The following TBC1D16 variants were observed in gnomAD, a reference collection of about 807,000 sequenced individuals.
The protein encoded by TBC1D16 is CTD-2529O21.1.
In TBC1D16, 58 loss-of-function variants were observed where a neutral mutation model predicts 74.7. That is an observed-to-expected ratio of 0.78 (90% confidence interval 0.63 to 0.97). TBC1D16 has a LOEUF of 0.97. Ranked by LOEUF, TBC1D16 falls within the 50% of genes least tolerant of loss-of-function variation. TBC1D16 has a pLI of 0.00. For missense variants in TBC1D16, 1,014 were observed against 1,079.5 expected (o/e 0.94, Z 0.85); for synonymous variants, 493 against 474.7 (o/e 1.04, Z -0.50).
intron 1 of TBC1D16, among the ~76,000 whole-genome samples, chr17:80,017,237 C>T (rs577300070): frequency 6.6e-6 from 1 of 152,122 alleles, no homozygotes; most frequent in Non-Finnish European, 1.5e-5. Context: ...CCACTCAACT[C>T]GGCCCTTGGA....
intron 3 of TBC1D16, among the ~76,000 whole-genome samples, chr17:79,977,806 C>A (rs1167802825): frequency 6.6e-6 from 1 of 152,254 alleles, no homozygotes; most frequent in African/African-American, 2.4e-5. Flanking sequence ...CAGAGGCAGC[C>A]AGACCCAGCT....
rs930222269 is a variant in TBC1D16 at position 79,975,587 on chromosome 17, G to A, written c.780-22769C>T. ...TCAAAGGATCAACGAGTGACAGAGG[G>A]TTGGGGACTGGGGGGGTCGTGCATG... On this transcript the variant is annotated intron_variant, in intron 3 of 11. Coordinates refer to ENST00000310924, the MANE Select transcript of TBC1D16 (RefSeq NM_019020.4). This position sits in a 1 kb window ranked among gnomAD's most constrained non-coding sequence, Gnocchi z 4.5. Among the ~76,000 whole-genome samples, 13 of 152,216 alleles carry A rather than the reference G, an allele frequency of 8.5e-5. No homozygotes were observed. Among genetic ancestry groups the A allele is most frequent in the Non-Finnish European group, 1.6e-4 (11 of 68,040 alleles).
In TBC1D16 at chr17:80,001,078, T is replaced by C. The variant is rs554751033; in HGVS notation, c.779+9082A>G. 4.6e-5 allele frequency among the ~76,000 whole-genome samples: 7 copies of C among 152,348 alleles called. No individual in the cohort carries two copies. The South Asian group carries it at 1.0e-3, about 23-fold the overall frequency. On this transcript the variant is annotated intron_variant, in intron 3 of 11. Transcript: ENST00000310924. This position sits in a 1 kb window ranked among gnomAD's most constrained non-coding sequence, Gnocchi z 5.8. ...TGGGCGCCTGCTTGGCTTCTCCGCC[T>C]GACAGTGAGACTGCTGGGGCGAGGC...
chr17:79,960,778 C>CAAAAAAAAAAAAAAAAA (rs1433555447), intron 3 of TBC1D16, among the ~76,000 whole-genome samples: 1 of 23,150 alleles, frequency 4.3e-5, no homozygotes, highest in Non-Finnish European at 8.4e-5. Context: ...AAACAAAAAC[C>CAAAAAAAAAAAAAAAAA]CAAAAAAAAA....
In TBC1D16 at chr17:79,986,325, T is replaced by C. The variant is rs968579429; in HGVS notation, c.779+23835A>G. On this transcript the variant is annotated intron_variant, in intron 3 of 11. Transcript: ENST00000310924. The surrounding 1 kb of genome is among the most constrained non-coding windows in gnomAD (Gnocchi z 6.0). ...ATATCCCAAGGCCACGTTCGCTTCA[T>C]AAACGCAAGGTGATCTCTGAGCACC... 3.3e-5 allele frequency among the ~76,000 whole-genome samples: 5 copies of C among 152,208 alleles called. No homozygotes were observed. The highest frequency in any genetic ancestry group is 5.9e-5 in the Non-Finnish European group (4 of 68,026).
At chr17:80,004,738 C>T (rs1321888210) in intron 3 of TBC1D16, among the ~76,000 whole-genome samples, 6 of 151,628 alleles carry the variant, frequency 4.0e-5, no homozygotes, top group Non-Finnish European at 8.8e-5. Flanking sequence ...GCAGGGGCAC[C>T]ATCTCGGCTC....
At position 79,994,964 on chromosome 17, in the gene TBC1D16, T is replaced by C. The variant is rs1266416033; in HGVS notation, c.779+15196A>G. On this transcript the variant is annotated intron_variant, in intron 3 of 11. Transcript: ENST00000310924. This position sits in a 1 kb window ranked among gnomAD's most constrained non-coding sequence, Gnocchi z 4.6. ...CAAGCTGGGTAATTTACAAAAATTTTCACCTTTTTGTTTGTTTTCTTTTTG... is the reference window on the plus strand; with the variant it reads ...CAAGCTGGGTAATTTACAAAAATTTCCACCTTTTTGTTTGTTTTCTTTTTG... Among the ~76,000 whole-genome samples the C allele has an allele frequency of 6.6e-6, 1 of 152,260 alleles. No homozygotes were observed. The highest frequency in any genetic ancestry group is 1.5e-5 in the Non-Finnish European group (1 of 68,048).
intron 1 of TBC1D16, among the ~76,000 whole-genome samples, chr17:80,017,680 CAAAA>C (rs57336950): frequency 1.5e-4 from 13 of 84,848 alleles, no homozygotes; most frequent in Non-Finnish European, 2.9e-4. Context: ...GACTCCATCT[CAAAA>C]AAAAAAAAAA....
chr17:80,032,186 T>G lies in TBC1D16; in HGVS notation c.-63+3609A>C, dbSNP rs539151089. 3.0e-4 allele frequency among the ~76,000 whole-genome samples: 45 copies of G among 152,266 alleles called. No individual in the cohort carries two copies. The South Asian group carries it at 8.5e-3, about 29-fold the overall frequency. On this transcript the variant is annotated intron_variant, in intron 1 of 11. Coordinates refer to ENST00000310924, the MANE Select transcript of TBC1D16 (RefSeq NM_019020.4). The stretch of plus-strand genomic sequence containing the variant: ...ATGCGGGCTTGGCACCCGCAGTACG[T>G]TGGCTTCATAGTGACCAATCCAGAA...
chr17:79,950,976 G>T lies in TBC1D16; in HGVS notation c.1090-398C>A, dbSNP rs2033008397. On this transcript the variant is annotated intron_variant, in intron 5 of 11. Transcript: ENST00000310924. This position sits in a 1 kb window ranked among gnomAD's most constrained non-coding sequence, Gnocchi z 4.6. ...GGAGCCAGCCTGTCAGATTGCCTCC[G>T]CGAGCAGTCACGAATCCAGGGCAAA... 5.4e-5 allele frequency: 47 copies of T among 877,484 alleles called. No individual in the cohort carries two copies. In the East Asian group the frequency reaches 1.3e-3, roughly 24 times the overall value. 54.4% of individuals were successfully genotyped at this position (877,484 alleles called of 1,614,324 possible).
intron 3 of TBC1D16, among the ~76,000 whole-genome samples, chr17:79,959,288 T>C (rs767400802): frequency 3.9e-5 from 6 of 152,148 alleles, no homozygotes; most frequent in Non-Finnish European, 7.4e-5. Context: ...GTCCATAGAA[T>C]AAAACCGTCA....
At position 80,032,198 on chromosome 17, in the gene TBC1D16, T is replaced by C. The variant is rs373452587; in HGVS notation, c.-63+3597A>G. Among the ~76,000 whole-genome samples, 465 of 152,296 alleles carry C rather than the reference T, an allele frequency of 3.1e-3. 4 individuals carry two copies. The highest frequency in any genetic ancestry group is 0.011 in the African/African-American group (446 of 41,570). ...CACCCGCAGTACGTTGGCTTCATAG[T>C]GACCAATCCAGAAAGACCACGGAGA... On this transcript the variant is annotated intron_variant, in intron 1 of 11. Coordinates refer to ENST00000310924, the MANE Select transcript of TBC1D16 (RefSeq NM_019020.4).
chr17:79,947,674 G>T lies in TBC1D16; in HGVS notation c.1699C>A (p.Pro567Thr), dbSNP rs1351380078. 1 of 1,614,116 alleles carries T rather than the reference G, an allele frequency of 6.2e-7. No individual in the cohort carries two copies. Among genetic ancestry groups the T allele is most frequent in the Non-Finnish European group, 8.5e-7 (1 of 1,180,020 alleles). The change falls in exon 9 of 12, where the codon CCC becomes ACC. Residue 567 changes from proline to threonine, a missense_variant. Physicochemically the swap from Pro to Thr is conservative, Grantham distance 38. Coordinates refer to ENST00000310924, the MANE Select transcript of TBC1D16 (RefSeq NM_019020.4). ...TGTTTCTCCATGTCCTCGTCCCGGG[G>T]TGAGCTGACGAAGATCGTGTTCTGC... ...LMQNTIFVSS[P>T]RDEDMEKQLL...
chr17:79,998,954 C>A (rs949077629), intron 3 of TBC1D16, among the ~76,000 whole-genome samples: 4 of 152,142 alleles, frequency 2.6e-5, no homozygotes, highest in Admixed American at 6.5e-5. Context: ...CTTTCAGTAT[C>A]CTTAATAAAA....
At position 79,981,273 on chromosome 17, in the gene TBC1D16, C is replaced by T. The variant is rs547731704; in HGVS notation, c.780-28455G>A. On this transcript the variant is annotated intron_variant, in intron 3 of 11. Coordinates refer to ENST00000310924, the MANE Select transcript of TBC1D16 (RefSeq NM_019020.4). This position sits in a 1 kb window ranked among gnomAD's most constrained non-coding sequence, Gnocchi z 6.9. ...GCTTGGCCCGGCTCAGAGGATTTGA[C>T]GCAAACCAGGACTGGGGCCCTGGCC... is the stretch of plus-strand genomic sequence containing the variant. 7.9e-5 allele frequency among the ~76,000 whole-genome samples: 12 copies of T among 152,298 alleles called. No homozygotes were observed. The highest frequency in any genetic ancestry group is 2.9e-4 in the African/African-American group (12 of 41,568).
At chr17:80,020,738 T>A (rs2036255603) in intron 1 of TBC1D16, among the ~76,000 whole-genome samples, 1 of 150,196 alleles carries the variant, frequency 6.7e-6, no homozygotes, top group Admixed American at 6.6e-5. Context: ...TGTATCCTCA[T>A]TATTTCCAGG....
chr17:79,946,928 C>A (rs2032591572), intron 9 of TBC1D16, among the ~76,000 whole-genome samples: 1 of 152,240 alleles, frequency 6.6e-6, no homozygotes, highest in Non-Finnish European at 1.5e-5. Context: ...AGCTTCCTGG[C>A]CCAGCCAGGA....
At position 79,944,032 on chromosome 17, in the gene TBC1D16, G is replaced by A. The variant is rs528640138; in HGVS notation, c.1908+876C>T. The stretch of plus-strand genomic sequence containing the variant: ...CCTAGACCCGGGCCAGGGGCGAGCC[G>A]ATGACCGCATGCAAAGGCGGCGTGT... On this transcript the variant is annotated intron_variant, in intron 10 of 11. Coordinates refer to ENST00000310924, the MANE Select transcript of TBC1D16 (RefSeq NM_019020.4). The surrounding 1 kb of genome is among the most constrained non-coding windows in gnomAD (Gnocchi z 7.7). 4.3e-5 allele frequency: 66 copies of A among 1,535,720 alleles called. No individual in the cohort carries two copies. The African/African-American group carries it at 4.6e-4, about 11-fold the overall frequency.
At position 80,010,128 on chromosome 17, in the gene TBC1D16, C is replaced by A; in HGVS notation, c.779+32G>T. ...GCCCAGGTCAGGCCTTGGGGGCCTC[C>A]CGAGAGCCCACGCCCAGAACCAGGA... On this transcript the variant is annotated intron_variant, in intron 3 of 11. Transcript: ENST00000310924. This position sits in a 1 kb window ranked among gnomAD's most constrained non-coding sequence, Gnocchi z 8.8. The A allele has an allele frequency of 6.4e-7, 1 of 1,566,238 alleles. No homozygotes were observed.
Sources: allele counts gnomAD v4.1 joint callset (sites outside exome capture counted in the v4.1 genomes callset), GRCh38; gene constraint gnomAD v4.1.1; non-coding constraint Gnocchi (gnomAD v3.1); transcripts MANE v1.5; gene names NCBI Gene and HGNC (gene_info 2026-07-23, HGNC 2026-07-21).